Variants in ZFHX3 observed in about 807,000 individuals in gnomAD.
The protein encoded by ZFHX3 is zinc finger homeobox 3.
In ZFHX3, 42 loss-of-function variants were observed where a neutral mutation model predicts 279.1. The observed-to-expected ratio is 0.15, with a 90% confidence interval of 0.12 to 0.19. The LOEUF is 0.19. Among genes scored for constraint, ZFHX3 ranks in the 10% least tolerant of loss-of-function variants. ZFHX3 has a pLI of 1.00. For synonymous variants in ZFHX3, 2,293 were observed against 1,957.8 expected, an observed-to-expected ratio of 1.17 and a Z score of -4.52; for missense variants, 4,981 against 4,754.0, an observed-to-expected ratio of 1.05 and a Z score of -1.40.
chr16:73,386,749 A>G (rs2016908966), intron 3 of ZFHX3: 1 of 50,606 alleles, frequency 2.0e-5, no homozygotes, highest in Non-Finnish European at 5.2e-5. Context: ...TATATGTGGA[A>G]GCAAAAAAAA....
chr16:73,555,016 ACAGT>A (rs2020254127), intron 2 of ZFHX3, among the ~76,000 whole-genome samples: 2 of 152,342 alleles, frequency 1.3e-5, no homozygotes, highest in South Asian at 4.1e-4. Flanking sequence ...GTGAAGACTT[ACAGT>A]CATATCCAAT....
chr16:72,788,334 G>A lies in ZFHX3; in HGVS notation c.9942C>T (p.Gly3314=), dbSNP rs536827364. 6.2e-7 allele frequency: 1 copy of A among 1,614,222 alleles called. No homozygotes were observed. Among genetic ancestry groups the A allele is most frequent in the African/African-American group, 1.3e-5 (1 of 75,054 alleles). ...TCTGGGGAGCATAATAAGGAGAAAA[G>A]CCTGGTACAAAGTAAGGAAGGAACT... The part of the protein sequence containing the change: ...TSQFLPYFVP[G]FSPYYAPQIP... Residue 3314 remains glycine (G), a synonymous_variant, in exon 10 of 10, where the codon GGC becomes GGT. Transcript: ENST00000268489.
Position 72,957,933 on chromosome 16 carries a change from T to C in ZFHX3, c.2213A>G (p.Lys738Arg), listed in dbSNP as rs755685914. ...CEVCNYSTTT[K>R]GNLSIHMQSD... ...CTGCATATGAATACTGAGGTTGCCT[T>C]TGGTAGTTGTGGAGTAGTTACACAC... The change falls in exon 2 of 10, where the codon AAA (lysine) becomes AGA (arginine). Residue 738 changes from lysine to arginine, a missense_variant. Coordinates refer to ENST00000268489, the MANE Select transcript of ZFHX3 (RefSeq NM_006885.4). 87 of 1,614,028 alleles carry C rather than the reference T, an allele frequency of 5.4e-5. No individual in the cohort carries two copies. Among genetic ancestry groups the C allele is most frequent in the Non-Finnish European group, 7.3e-5 (86 of 1,180,042 alleles).
chr16:73,814,605 T>C (rs1597127791), intron 1 of ZFHX3, among the ~76,000 whole-genome samples: 1 of 151,950 alleles, frequency 6.6e-6, no homozygotes, highest in Admixed American at 6.6e-5. Context: ...TTCGCTCTTG[T>C]TGCCCAGGCT....
chr16:73,631,898 T>G (rs1045053773), intron 2 of ZFHX3, among the ~76,000 whole-genome samples: 4 of 130,240 alleles, frequency 3.1e-5, no homozygotes, highest in African/African-American at 1.2e-4. Context: ...TAGAGTGGGA[T>G]TCTCTCTCTC....
intron 2 of ZFHX3, among the ~76,000 whole-genome samples, chr16:73,533,650 C>G (rs2459557): frequency 1.3e-5 from 2 of 151,850 alleles, no homozygotes; most frequent in Admixed American, 1.3e-4. Flanking sequence ...TTTAATAGAC[C>G]TCTGAAAATC....
rs756105315 is a variant in ZFHX3, at chr16:72,958,730, C to T, written c.1416G>A (p.Ala472=). 39 of 1,602,412 alleles carry T rather than the reference C, an allele frequency of 2.4e-5. No individual in the cohort carries two copies. The East Asian group carries it at 2.5e-4, about 10-fold the overall frequency. ...EAEEEEEEEE[A]EEEEEEEEEE... ...CCTCCTCTTCTTCCTCCTCCTCCTC[C>T]GCCTCTTCCTCCTCCTCTTCCTCCT... Residue 472 remains alanine, a synonymous_variant, in exon 2 of 10, where the codon GCG becomes GCA. Transcript: ENST00000268489.
chr16:73,823,682 G>A (rs555522038), intron 1 of ZFHX3, among the ~76,000 whole-genome samples: 18 of 152,268 alleles, frequency 1.2e-4, no homozygotes, highest in South Asian at 2.1e-4. Context: ...GAGTTGCTAC[G>A]GAGACCATCA....
At chr16:73,512,039 C>T (rs16972075) in intron 2 of ZFHX3, among the ~76,000 whole-genome samples, 9,156 of 152,054 alleles carry the variant, frequency 0.06, 941 homozygotes, top group African/African-American at 0.21. Flanking sequence ...GATCTCAGGA[C>T]GACTCAAGTG....
intron 1 of ZFHX3, among the ~76,000 whole-genome samples, chr16:72,992,013 C>G (rs1963113014): frequency 6.6e-6 from 1 of 152,168 alleles, no homozygotes; most frequent in South Asian, 2.1e-4. Context: ...ACAGTATAGG[C>G]AGTACAAAGA....
chr16:73,149,302 T>C (rs1168455882), intron 5 of ZFHX3, among the ~76,000 whole-genome samples: 1 of 149,372 alleles, frequency 6.7e-6, no homozygotes, highest in Non-Finnish European at 1.5e-5. Flanking sequence ...CAGCAGATAT[T>C]ATACTTTATT....
chr16:73,100,814 C>T (rs940576568), intron 7 of ZFHX3, among the ~76,000 whole-genome samples: 18 of 152,250 alleles, frequency 1.2e-4, no homozygotes, highest in Middle Eastern at 6.8e-3. Context: ...CCAGGCTGGT[C>T]TTGAACTCCT....
chr16:73,256,729 G>T (rs540859201), intron 5 of ZFHX3, among the ~76,000 whole-genome samples: 1 of 152,124 alleles, frequency 6.6e-6, no homozygotes, highest in Non-Finnish European at 1.5e-5. Context: ...AAAACTGAGG[G>T]ATCAAGTAAC....
At chr16:73,754,239 A>G (rs1449941456) in intron 1 of ZFHX3, among the ~76,000 whole-genome samples, 3 of 152,174 alleles carry the variant, frequency 2.0e-5, no homozygotes, top group Non-Finnish European at 2.9e-5. Context: ...AGCCTGATCT[A>G]CTATCTTACT....
At position 73,215,884 on chromosome 16, in the gene ZFHX3, T is replaced by C. The variant is rs760339802; in HGVS notation, c.-1104+41163A>G. ...GTGTGTGTGTGTGCATGGACGTGTG[T>C]GTGTGTGCGTGTGTATGTGTATGCT... On this transcript the variant is annotated intron_variant, in intron 5 of 17. Coordinates refer to the ZFHX3 transcript ENST00000641206. Among the ~76,000 whole-genome samples the C allele has an allele frequency of 3.3e-5, 5 of 152,096 alleles. No individual in the cohort carries two copies. In the East Asian group the frequency reaches 7.7e-4, roughly 23 times the overall value.
At chr16:73,501,768 G>A (rs549714525) in intron 2 of ZFHX3, among the ~76,000 whole-genome samples, 55 of 152,202 alleles carry the variant, frequency 3.6e-4, no homozygotes, top group South Asian at 3.1e-3. Flanking sequence ...TGAAAGAAAA[G>A]CTGCTGTGTG....
At chr16:73,199,461 T>A (rs1207733212) in intron 5 of ZFHX3, among the ~76,000 whole-genome samples, 1 of 152,208 alleles carries the variant, frequency 6.6e-6, no homozygotes, top group Non-Finnish European at 1.5e-5. Context: ...TAGGAATGCA[T>A]CAGAACATCT....
chr16:73,402,355 A>C (rs2017273405), intron 3 of ZFHX3: 1 of 152,228 alleles, frequency 6.6e-6, no homozygotes, highest in Non-Finnish European at 1.5e-5. Flanking sequence ...ACCTAGCATG[A>C]AGGGCAACTT....
intron 2 of ZFHX3, among the ~76,000 whole-genome samples, chr16:73,649,401 C>T (rs546343121): frequency 1.5e-4 from 23 of 152,238 alleles, no homozygotes; most frequent in Non-Finnish European, 2.6e-4. Flanking sequence ...AGCTATAAAA[C>T]AGCAGGTATG....
Sources: allele counts gnomAD v4.1 joint callset (sites outside exome capture counted in the v4.1 genomes callset), GRCh38; gene constraint gnomAD v4.1.1; transcripts MANE v1.5; gene names NCBI Gene and HGNC (gene_info 2026-07-23, HGNC 2026-07-21).